Variants in C10orf90 observed in about 807,000 individuals in gnomAD.
C10orf90 encodes the protein (E2-independent) E3 ubiquitin-conjugating enzyme FATS.
Under a neutral mutation model 62.5 loss-of-function variants are expected in C10orf90, and 56 were observed. That is an observed-to-expected ratio of 0.90 (90% CI 0.72 to 1.12). The LOEUF is 1.12. C10orf90 is among the 50% of genes most tolerant of loss of function. The pLI is 0.00. For missense variants in C10orf90, 970 were observed against 880.4 expected, an observed-to-expected ratio of 1.10 and a Z score of -1.29; for synonymous variants, 386 against 340.4, an observed-to-expected ratio of 1.13 and a Z score of -1.47.
At chr10:126,656,026 C>G (rs1846389546) in intron 1 of C10orf90, among the ~76,000 whole-genome samples, 1 of 152,016 alleles carries the variant, frequency 6.6e-6, no homozygotes, top group Non-Finnish European at 1.5e-5. Flanking sequence ...GGCTGACTTT[C>G]ACACCTTCTC....
intron 7 of C10orf90, among the ~76,000 whole-genome samples, chr10:126,454,407 G>A (rs1859402932): frequency 6.6e-6 from 1 of 151,692 alleles, no homozygotes; most frequent in South Asian, 2.1e-4. Context: ...ACTTGCAGGG[G>A]CTGTATTCCT....
At position 126,644,332 on chromosome 10, in the gene C10orf90, C is replaced by T. The variant is rs557140945; in HGVS notation, c.313+2233G>A. On this transcript the variant is annotated intron_variant, in intron 2 of 9. Coordinates refer to ENST00000488181, the MANE Select transcript of C10orf90 (RefSeq NM_001350921.2). Reference sequence around the variant, plus strand: ...AGAACTCCAGTAAAATCTGTCTTACCGTTTTAAACAAGTGCCCAGTGCAAT... The same window carrying T: ...AGAACTCCAGTAAAATCTGTCTTACTGTTTTAAACAAGTGCCCAGTGCAAT... Among the ~76,000 whole-genome samples the T allele has an allele frequency of 6.6e-5, 10 of 152,286 alleles. No individual in the cohort carries two copies. In the South Asian group the frequency reaches 1.7e-3, roughly 25 times the overall value.
In C10orf90 at chr10:126,540,964, A is replaced by T. The variant is rs903238266; in HGVS notation, c.314-27025T>A. Among the ~76,000 whole-genome samples, 4 of 152,246 alleles carry T rather than the reference A, an allele frequency of 2.6e-5. No homozygotes were observed. In the East Asian group the frequency reaches 7.7e-4, roughly 29 times the overall value. On this transcript the variant is annotated intron_variant, in intron 2 of 9. Coordinates refer to ENST00000488181, the MANE Select transcript of C10orf90 (RefSeq NM_001350921.2). ...TATTTAAAGCCATACACCAAACTAA[A>T]TTTAAAATGCATTTAAAGTATAAAT...
rs1863180157 is a variant in C10orf90, at chr10:126,512,392, GTGTGTGTGTGTC to G, written c.405+1444_405+1455del. ...TGTGTCTGTGTGTGTGTGTCTGTGT[GTGTGTGTGTGTC>G]TGTGTGTCTGTGTGTGTGTGTGTGT... On this transcript the variant is annotated intron_variant, in intron 3 of 9. Transcript: ENST00000488181. 6.9e-4 allele frequency among the ~76,000 whole-genome samples: 10 copies of G among 14,442 alleles called. 1 individual carries two copies. Among genetic ancestry groups the G allele is most frequent in the Admixed American group, 6.9e-3 (7 of 1,012 alleles). The allele number at this position is 14,442 out of a possible 152,430, so 9.5% of individuals were successfully genotyped here.
intron 1 of C10orf90, among the ~76,000 whole-genome samples, chr10:126,657,072 C>A (rs961444895): frequency 6.6e-6 from 1 of 152,122 alleles, no homozygotes; most frequent in Admixed American, 6.5e-5. Context: ...GGGTGTGAGA[C>A]CCGTGAATCT....
chr10:126,454,241 T>C (rs1287350350), intron 7 of C10orf90, among the ~76,000 whole-genome samples: 1 of 151,384 alleles, frequency 6.6e-6, no homozygotes, highest in Non-Finnish European at 1.5e-5. Flanking sequence ...GCAGGGCTTG[T>C]ACCCATATGA....
rs555105922 is a variant in C10orf90 at position 126,657,684 on chromosome 10, C to T, written c.241-11047G>A. The stretch of plus-strand genomic sequence containing the variant: ...AGGCTAGAGTGCAGTGGCCCCATCT[C>T]GGCTCATTGCAACCTCTGCCTCCTG... On this transcript the variant is annotated intron_variant, in intron 1 of 9. Coordinates refer to ENST00000488181, the MANE Select transcript of C10orf90 (RefSeq NM_001350921.2). 7.3e-5 allele frequency among the ~76,000 whole-genome samples: 11 copies of T among 150,590 alleles called. No individual in the cohort carries two copies. The East Asian group carries it at 1.4e-3, about 19-fold the overall frequency.
chr10:126,628,278 A>T (rs2133825668), intron 2 of C10orf90, among the ~76,000 whole-genome samples: 1 of 152,342 alleles, frequency 6.6e-6, no homozygotes, highest in Admixed American at 6.5e-5. Flanking sequence ...TGAATTTAAA[A>T]TGCCAAGGCC....
intron 2 of C10orf90, among the ~76,000 whole-genome samples, chr10:126,566,019 A>G (rs1033486291): frequency 2.6e-5 from 4 of 152,090 alleles, no homozygotes; most frequent in African/African-American, 9.7e-5. Context: ...AGACTACCCT[A>G]TTGTCATTAG....
chr10:126,641,060 AC>A (rs759768170), intron 2 of C10orf90, among the ~76,000 whole-genome samples: 4 of 152,172 alleles, frequency 2.6e-5, no homozygotes, highest in Non-Finnish European at 5.9e-5. Context: ...CTTCCTAAAA[AC>A]CAGGTGTTTC....
chr10:126,581,459 G>C (rs1032820830), intron 2 of C10orf90, among the ~76,000 whole-genome samples: 1 of 152,108 alleles, frequency 6.6e-6, no homozygotes, highest in Non-Finnish European at 1.5e-5. Context: ...CTTCTTCAGG[G>C]ATGCTGCACT....
chr10:126,588,528 A>G (rs958525631), intron 2 of C10orf90, among the ~76,000 whole-genome samples: 2 of 152,214 alleles, frequency 1.3e-5, no homozygotes, highest in African/African-American at 4.8e-5. Flanking sequence ...TGATACCTCC[A>G]GGTGTGGGAG....
intron 2 of C10orf90, among the ~76,000 whole-genome samples, chr10:126,549,033 T>C (rs1864569354): frequency 6.6e-6 from 1 of 152,248 alleles, no homozygotes; most frequent in African/African-American, 2.4e-5. Flanking sequence ...GATGATAAAC[T>C]TGAATGTAAA....
Position 126,513,829 on chromosome 10 carries a change from A to G in C10orf90, c.405+19T>C, listed in dbSNP as rs1290065143. On this transcript the variant is annotated intron_variant, in intron 3 of 9. Coordinates refer to ENST00000488181, the MANE Select transcript of C10orf90 (RefSeq NM_001350921.2). Reference sequence around the variant, plus strand: ...GGTGCATTTTGCTGACTATTCTAGAAGTTAGAAATGTATGTTACCTTGGTG... The same window carrying G: ...GGTGCATTTTGCTGACTATTCTAGAGGTTAGAAATGTATGTTACCTTGGTG... 4 of 1,508,820 alleles carry G rather than the reference A, an allele frequency of 2.7e-6. No individual in the cohort carries two copies. Among genetic ancestry groups the G allele is most frequent in the Non-Finnish European group, 3.7e-6 (4 of 1,085,868 alleles). The allele number at this position is 1,508,820 out of a possible 1,614,324, so 93.5% of individuals were successfully genotyped here.
In C10orf90 at chr10:126,538,904, CA is replaced by C. The variant is rs1212505780; in HGVS notation, c.314-24966del. Among the ~76,000 whole-genome samples, 8 of 152,226 alleles carry C rather than the reference CA, an allele frequency of 5.3e-5. No homozygotes were observed. In the East Asian group the frequency reaches 1.5e-3, roughly 29 times the overall value. On this transcript the variant is annotated intron_variant, in intron 2 of 9. Transcript: ENST00000488181. The stretch of plus-strand genomic sequence containing the variant: ...AACCAGGCCAGGGAAACCCCAATGC[CA>C]AGGCACGATGAAATATTTAATATGT...
chr10:126,457,942 G>A (rs149604601), intron 7 of C10orf90, among the ~76,000 whole-genome samples: 31 of 152,256 alleles, frequency 2.0e-4, no homozygotes, highest in African/African-American at 6.3e-4. Context: ...ATCCCCTTTC[G>A]TTAGTATACT....
At chr10:126,466,743 G>A (rs1018254214) in intron 4 of C10orf90, among the ~76,000 whole-genome samples, 6 of 151,898 alleles carry the variant, frequency 4.0e-5, no homozygotes, top group Non-Finnish European at 8.8e-5. Flanking sequence ...ACAAAATGTA[G>A]GTCCAAAGTA....
chr10:126,641,215 C>T (rs1846052164), intron 2 of C10orf90, among the ~76,000 whole-genome samples: 1 of 152,062 alleles, frequency 6.6e-6, no homozygotes, highest in South Asian at 2.1e-4. Flanking sequence ...CTAGAACAAC[C>T]CTTCCTTGAA....
intron 4 of C10orf90, among the ~76,000 whole-genome samples, chr10:126,485,442 T>G (rs1314306878): frequency 6.6e-6 from 1 of 152,218 alleles, no homozygotes; most frequent in Non-Finnish European, 1.5e-5. Context: ...GCACACCATC[T>G]TTATATAGAA....
Sources: allele counts gnomAD v4.1 joint callset (sites outside exome capture counted in the v4.1 genomes callset), GRCh38; gene constraint gnomAD v4.1.1; transcripts MANE v1.5; gene names NCBI Gene and HGNC (gene_info 2026-07-23, HGNC 2026-07-21).